The following RIMS2 variants were observed in gnomAD, a reference collection of about 807,000 sequenced individuals.
RIMS2 encodes regulating synaptic membrane exocytosis 2, also known as regulating synaptic membrane exocytosis protein 2.
Under a neutral mutation model 174.4 loss-of-function variants are expected in RIMS2, and 59 were observed. That is an observed-to-expected ratio of 0.34 (90% CI 0.27 to 0.42). RIMS2 has a LOEUF of 0.42. RIMS2 is among the 10% of genes least tolerant of loss of function. The probability of loss-of-function intolerance (pLI) is 1.00; values close to 1 mark genes in which losing one functional copy is unlikely to be tolerated. For synonymous variants in RIMS2, 606 were observed against 572.5 expected (o/e 1.06, Z -0.84); for missense variants, 1,620 against 1,666.3 (o/e 0.97, Z 0.48).
chr8:104,096,945 G>T (rs1264229121), intron 19 of RIMS2, among the ~76,000 whole-genome samples: 1 of 151,758 alleles, frequency 6.6e-6, no homozygotes, highest in Non-Finnish European at 1.5e-5. Flanking sequence ...ATAGGCTTTT[G>T]AATTTGCTTT....
chr8:104,072,670 T>C (rs1296449229), intron 19 of RIMS2, among the ~76,000 whole-genome samples: 1 of 152,158 alleles, frequency 6.6e-6, no homozygotes, highest in Non-Finnish European at 1.5e-5. Context: ...TTTTAAAAAC[T>C]GTACAGTTCA....
At chr8:103,733,376 G>T (rs1449520400) in intron 2 of RIMS2, among the ~76,000 whole-genome samples, 1 of 151,998 alleles carries the variant, frequency 6.6e-6, no homozygotes, top group African/African-American at 2.4e-5. Context: ...TCATTGCCTG[G>T]GGCTGGGGGA....
chr8:103,896,311 C>G (rs1003594264), intron 4 of RIMS2, among the ~76,000 whole-genome samples: 2 of 151,638 alleles, frequency 1.3e-5, no homozygotes, highest in Non-Finnish European at 2.9e-5. Context: ...GCTGGTTTTC[C>G]CAGCCATCCT....
At chr8:104,169,455 T>C (rs1475576268) in intron 19 of RIMS2, among the ~76,000 whole-genome samples, 1 of 151,558 alleles carries the variant, frequency 6.6e-6, no homozygotes, top group Non-Finnish European at 1.5e-5. Context: ...CCAGATTTTC[T>C]AGTTTGTGTG....
chr8:103,711,929 T>G (rs993823892), intron 2 of RIMS2, among the ~76,000 whole-genome samples: 5 of 151,788 alleles, frequency 3.3e-5, no homozygotes, highest in African/African-American at 1.2e-4. Context: ...ACTTTTAAAA[T>G]GTACTTTTAC....
At chr8:103,506,014 G>C (rs1005234344) in intron 1 of RIMS2, among the ~76,000 whole-genome samples, 2 of 151,964 alleles carry the variant, frequency 1.3e-5, no homozygotes, top group African/African-American at 4.8e-5. Flanking sequence ...TGGATTTTGA[G>C]TTTGTGATCT....
Position 103,800,217 on chromosome 8 carries a change from A to G in RIMS2, c.698+33680A>G, listed in dbSNP as rs146388413. Among the ~76,000 whole-genome samples, 362 of 151,920 alleles carry G rather than the reference A, an allele frequency of 2.4e-3. 4 individuals are homozygous for G. In the Middle Eastern group the frequency reaches 0.034, roughly 14 times the overall value. ...ATGTTTTACCCTGTGATAGTACCAC[A>G]CTGTAATTTTTTTTTTAGGTTTTTT... On this transcript the variant is annotated intron_variant, in intron 3 of 23. Transcript: ENST00000504942.
In RIMS2 at chr8:103,959,828, C is replaced by T. The variant is rs147660389; in HGVS notation, c.2702-1237C>T. Among the ~76,000 whole-genome samples, 305 of 152,288 alleles carry T rather than the reference C, an allele frequency of 2.0e-3. 1 individual carries two copies. The highest frequency in any genetic ancestry group is 6.9e-3 in the African/African-American group (285 of 41,564). On this transcript the variant is annotated intron_variant, in intron 14 of 23. Coordinates refer to ENST00000504942, the Ensembl canonical transcript of RIMS2. The stretch of plus-strand genomic sequence containing the variant: ...TACCTTTGGCTTCCTCACTGAGGCT[C>T]AAATTATATTTCAGTCTTTAAAGCA...
intron 19 of RIMS2, among the ~76,000 whole-genome samples, chr8:104,082,512 G>A (rs1258153926): frequency 2.0e-5 from 3 of 152,092 alleles, no homozygotes; most frequent in Admixed American, 6.6e-5. Flanking sequence ...AAGTTATGGC[G>A]TTACATGAGC....
intron 19 of RIMS2, among the ~76,000 whole-genome samples, chr8:104,239,699 G>A (rs1215294460): frequency 1.3e-5 from 2 of 152,020 alleles, no homozygotes; most frequent in African/African-American, 4.8e-5. Context: ...TATCTACAAA[G>A]GACTCAGAAC....
At chr8:103,815,777 T>C (rs2098714666) in intron 3 of RIMS2, among the ~76,000 whole-genome samples, 1 of 152,184 alleles carries the variant, frequency 6.6e-6, no homozygotes, top group African/African-American at 2.4e-5. Context: ...CAGGTACCAG[T>C]AATTTGATTC....
At chr8:103,664,952 A>C (rs990436029) in intron 1 of RIMS2, among the ~76,000 whole-genome samples, 3 of 152,246 alleles carry the variant, frequency 2.0e-5, no homozygotes, top group Non-Finnish European at 2.9e-5. Flanking sequence ...AGCCATAAAA[A>C]AGGATGAGTT....
intron 13 of RIMS2, among the ~76,000 whole-genome samples, chr8:103,940,088 T>G (rs1221807406): frequency 6.6e-6 from 1 of 152,202 alleles, no homozygotes; most frequent in Non-Finnish European, 1.5e-5. Context: ...TTCCACATTT[T>G]CAGGTATTTT....
intron 19 of RIMS2, among the ~76,000 whole-genome samples, chr8:104,114,112 C>G (rs1469865502): frequency 6.6e-6 from 1 of 151,798 alleles, no homozygotes; most frequent in South Asian, 2.1e-4. Context: ...TAATTTTTGT[C>G]AATGTTATTT....
intron 10 of RIMS2, among the ~76,000 whole-genome samples, chr8:103,923,391 A>G (rs2078107134): frequency 6.6e-6 from 1 of 151,848 alleles, no homozygotes. Flanking sequence ...TCTCATTTGA[A>G]TCCCAAGGTC....
intron 2 of RIMS2, among the ~76,000 whole-genome samples, chr8:103,729,284 C>A (rs995751896): frequency 3.3e-5 from 5 of 151,956 alleles, no homozygotes; most frequent in Admixed American, 2.6e-4. Context: ...CTTTGGAGTT[C>A]TTCATGTTTG....
At chr8:103,807,406 T>C (rs2098657367) in intron 3 of RIMS2, among the ~76,000 whole-genome samples, 1 of 152,076 alleles carries the variant, frequency 6.6e-6, no homozygotes, top group Admixed American at 6.6e-5. Flanking sequence ...AATAGAACAT[T>C]AGTGCTAGAA....
intron 1 of RIMS2, among the ~76,000 whole-genome samples, chr8:103,583,443 T>C (rs2093728792): frequency 1.3e-5 from 2 of 152,124 alleles, no homozygotes; most frequent in African/African-American, 4.8e-5. Flanking sequence ...GTGAACTAAA[T>C]AAGGCATCAG....
intron 17 of RIMS2, among the ~76,000 whole-genome samples, chr8:104,007,935 G>T (rs1026721401): frequency 8.5e-5 from 13 of 152,158 alleles, no homozygotes; most frequent in African/African-American, 3.1e-4. Flanking sequence ...GCATATGAGG[G>T]ATTTGTATTA....
Sources: allele counts gnomAD v4.1 joint callset (sites outside exome capture counted in the v4.1 genomes callset), GRCh38; gene constraint gnomAD v4.1.1; transcripts MANE v1.5; gene names NCBI Gene and HGNC (gene_info 2026-07-23, HGNC 2026-07-21).